Variants in PTPRT observed in about 807,000 individuals in gnomAD.
PTPRT encodes receptor-type tyrosine-protein phosphatase T.
Under a neutral mutation model 176.8 loss-of-function variants are expected in PTPRT, and 56 were observed. That is an observed-to-expected ratio of 0.32 (90% CI 0.26 to 0.40). PTPRT has a LOEUF of 0.40. PTPRT is among the 10% of genes least tolerant of loss of function. The probability of loss-of-function intolerance (pLI) is 1.00; values close to 1 mark genes in which losing one functional copy is unlikely to be tolerated. For synonymous variants in PTPRT, 783 were observed against 739.0 expected, an observed-to-expected ratio of 1.06 and a Z score of -0.96; for missense variants, 1,540 against 1,908.2, an observed-to-expected ratio of 0.81 and a Z score of 3.60.
At chr20:42,900,588 T>A (rs377175449) in intron 1 of PTPRT, among the ~76,000 whole-genome samples, 1 of 152,118 alleles carries the variant, frequency 6.6e-6, no homozygotes, top group Non-Finnish European at 1.5e-5. Context: ...CCAGAGCCCA[T>A]ATCACATAGA....
intron 1 of PTPRT, among the ~76,000 whole-genome samples, chr20:43,108,724 A>G (rs1600719180): frequency 6.6e-6 from 1 of 152,106 alleles, no homozygotes; most frequent in Non-Finnish European, 1.5e-5. Flanking sequence ...GGATAGAGGG[A>G]GGATGTATTT....
intron 1 of PTPRT, among the ~76,000 whole-genome samples, chr20:43,065,091 G>A (rs1987632880): frequency 6.6e-6 from 1 of 152,164 alleles, no homozygotes; most frequent in South Asian, 2.1e-4. Context: ...TCCAAAAGAA[G>A]AAACCATCTC....
At chr20:42,481,083 G>A (rs2071376432) in intron 7 of PTPRT, among the ~76,000 whole-genome samples, 1 of 151,664 alleles carries the variant, frequency 6.6e-6, no homozygotes, top group Admixed American at 6.6e-5. Flanking sequence ...ACCTTTGCAG[G>A]TTAGACAGTC....
chr20:42,332,000 T>G (rs2145438105), intron 11 of PTPRT, among the ~76,000 whole-genome samples: 1 of 152,280 alleles, frequency 6.6e-6, no homozygotes, highest in South Asian at 2.1e-4. Flanking sequence ...GTACTTGTCA[T>G]TATATTCTTC....
At chr20:42,744,690 T>C (rs995832448) in intron 6 of PTPRT, among the ~76,000 whole-genome samples, 1 of 152,178 alleles carries the variant, frequency 6.6e-6, no homozygotes, top group Admixed American at 6.5e-5. Flanking sequence ...TAGCAGACAA[T>C]TTTCCTCCAC....
intron 17 of PTPRT, among the ~76,000 whole-genome samples, chr20:42,150,486 C>T (rs565593600): frequency 1.1e-3 from 166 of 152,290 alleles, no homozygotes; most frequent in Non-Finnish European, 1.9e-3. Flanking sequence ...TCTCCACACC[C>T]CTGTCCAACA....
chr20:43,163,792 C>G (rs1236791644), intron 1 of PTPRT, among the ~76,000 whole-genome samples: 1 of 152,196 alleles, frequency 6.6e-6, no homozygotes, highest in Non-Finnish European at 1.5e-5. Flanking sequence ...GCACATCTAT[C>G]TCATGTGTGT....
chr20:42,670,680 TG>T lies in PTPRT; in HGVS notation c.1153+7185del, dbSNP rs149434252. Among the ~76,000 whole-genome samples, 561 of 152,250 alleles carry T rather than the reference TG, an allele frequency of 3.7e-3. 6 individuals are homozygous for T. Among genetic ancestry groups the T allele is most frequent in the African/African-American group, 0.013 (533 of 41,558 alleles). On this transcript the variant is annotated intron_variant, in intron 7 of 30. Coordinates refer to ENST00000373187, the MANE Select transcript of PTPRT (RefSeq NM_007050.6). ...CAAAGCCACTTTTCACTTGGAGAGC[TG>T]GGACTCCGCAAGACTACAATGAAGT...
chr20:42,680,070 G>C (rs1050060572), intron 6 of PTPRT, among the ~76,000 whole-genome samples: 1 of 152,136 alleles, frequency 6.6e-6, no homozygotes, highest in African/African-American at 2.4e-5. Context: ...AGGGCCTCTG[G>C]GTTATTCACA....
At chr20:42,788,040 G>T (rs1207767259) in intron 3 of PTPRT, among the ~76,000 whole-genome samples, 1 of 152,090 alleles carries the variant, frequency 6.6e-6, no homozygotes, top group African/African-American at 2.4e-5. Context: ...AAAAGGAAAA[G>T]ACACCGAAGT....
At chr20:42,884,225 CTCAT>C (rs2079069122) in intron 2 of PTPRT, among the ~76,000 whole-genome samples, 1 of 152,110 alleles carries the variant, frequency 6.6e-6, no homozygotes, top group Non-Finnish European at 1.5e-5. Context: ...GATGACTTTG[CTCAT>C]TCAAAGTAAG....
chr20:42,733,416 G>C (rs551217808), intron 6 of PTPRT, among the ~76,000 whole-genome samples: 1 of 152,222 alleles, frequency 6.6e-6, no homozygotes, highest in African/African-American at 2.4e-5. Flanking sequence ...AAGATAAAAG[G>C]AGGAAGAAAC....
At chr20:42,438,040 A>T (rs765459790) in intron 9 of PTPRT, among the ~76,000 whole-genome samples, 1 of 152,210 alleles carries the variant, frequency 6.6e-6, no homozygotes. Flanking sequence ...GTTTATTGAA[A>T]GGACCACAGC....
intron 12 of PTPRT, among the ~76,000 whole-genome samples, chr20:42,305,352 AAAAAT>A (rs1223673211): frequency 1.3e-5 from 2 of 152,172 alleles, no homozygotes; most frequent in Non-Finnish European, 2.9e-5. Flanking sequence ...CTCTGTCTCA[AAAAAT>A]AAAATAAAAG....
At chr20:42,331,353 G>A (rs2057961477) in intron 11 of PTPRT, among the ~76,000 whole-genome samples, 1 of 151,838 alleles carries the variant, frequency 6.6e-6, no homozygotes, top group African/African-American at 2.4e-5. Context: ...GCGCCTGGAT[G>A]TCTCCCCTTG....
At chr20:42,841,909 G>A (rs2078285562) in intron 2 of PTPRT, among the ~76,000 whole-genome samples, 1 of 152,224 alleles carries the variant, frequency 6.6e-6, no homozygotes, top group East Asian at 1.9e-4. Context: ...CAGAAGGCCT[G>A]TGACTTGTGC....
At chr20:42,470,531 T>A (rs183292103) in intron 8 of PTPRT, among the ~76,000 whole-genome samples, 5 of 152,106 alleles carry the variant, frequency 3.3e-5, no homozygotes, top group African/African-American at 1.2e-4. Flanking sequence ...TCTAAAGCCA[T>A]CCCACAAGGC....
At chr20:42,087,521 A>G (rs1011018820) in intron 27 of PTPRT, among the ~76,000 whole-genome samples, 1 of 148,014 alleles carries the variant, frequency 6.8e-6, no homozygotes, top group Non-Finnish European at 1.5e-5. Context: ...TGCCGGGATT[A>G]CAGGTGTGAG....
chr20:42,940,710 A>G (rs1218769491), intron 1 of PTPRT, among the ~76,000 whole-genome samples: 2 of 152,224 alleles, frequency 1.3e-5, no homozygotes, highest in Non-Finnish European at 2.9e-5. Context: ...CCAGAGAGCC[A>G]CAGTATGCTT....
Sources: allele counts gnomAD v4.1 joint callset (sites outside exome capture counted in the v4.1 genomes callset), GRCh38; gene constraint gnomAD v4.1.1; transcripts MANE v1.5; gene names NCBI Gene and HGNC (gene_info 2026-07-23, HGNC 2026-07-21).